Variants in CCDC171 observed in about 807,000 individuals in gnomAD.
CCDC171 encodes coiled-coil domain-containing protein 171.
Under a neutral mutation model 168.2 loss-of-function variants are expected in CCDC171, and 177 were observed. The ratio of observed to expected loss-of-function variants is 1.05; its 90% CI spans 0.93 to 1.19. The LOEUF is 1.19. Ranked by LOEUF, CCDC171 falls within the 50% of genes most tolerant of loss-of-function variation. CCDC171 has a pLI of 0.00. For missense variants in CCDC171, 1,991 were observed against 1,539.0 expected (o/e 1.29, Z -4.91); for synonymous variants, 687 against 540.8 (o/e 1.27, Z -3.75).
intron 21 of CCDC171, 85 bp from the exon 22 acceptor site, chr9:15,846,617 A>G (rs922853407): frequency 1.4e-6 from 2 of 1,403,676 alleles, no homozygotes; most frequent in East Asian, 2.3e-5. Context: ...GTCAGTCTGT[A>G]TTCTTCTTTG....
chr9:16,050,688 C>T (rs1176893638), intron 1 of CCDC171, among the ~76,000 whole-genome samples: 2 of 152,188 alleles, frequency 1.3e-5, no homozygotes, highest in Non-Finnish European at 2.9e-5. Context: ...ATGAGCATTG[C>T]ACATGTCCAT....
chr9:15,601,203 A>C (rs555980450), intron 6 of CCDC171, among the ~76,000 whole-genome samples: 1 of 152,290 alleles, frequency 6.6e-6, no homozygotes, highest in African/African-American at 2.4e-5. Context: ...GGAAATGCAG[A>C]AATCATTCGT....
chr9:15,966,005 C>CT (rs1401913234), intron 25 of CCDC171, among the ~76,000 whole-genome samples: 1 of 152,184 alleles, frequency 6.6e-6, no homozygotes, highest in Admixed American at 6.5e-5. Flanking sequence ...TGTTCATTCA[C>CT]TCATTCATCA....
Position 16,000,305 on chromosome 9 carries a change from A to G in CCDC171, n.369-20284A>G, listed in dbSNP as rs1036264696. 8.5e-5 allele frequency among the ~76,000 whole-genome samples: 13 copies of G among 152,180 alleles called. 1 individual carries two copies. The highest frequency in any genetic ancestry group is 3.1e-4 in the African/African-American group (13 of 41,440). On this transcript the variant is annotated intron_variant and non_coding_transcript_variant, in intron 3 of 9. Transcript: ENST00000486641. ...TATTATTCTCTATAGAATAAGTTTCAAAAACAAGGGATTGACTTTTTTTGC... is the reference window on the plus strand; with the variant it reads ...TATTATTCTCTATAGAATAAGTTTCGAAAACAAGGGATTGACTTTTTTTGC...
rs1022698906 is a variant in CCDC171 at position 15,744,409 on chromosome 9, C to A, written c.2186C>A (p.Ala729Glu). ...QTQREQMSLL[A>E]ACALMAGALY... Reference sequence around the variant, plus strand: ...CAAAGGGAACAGATGTCCTTGCTGGCAGCCTGTGCATTAATGGCTGGTGCC... The same window carrying A: ...CAAAGGGAACAGATGTCCTTGCTGGAAGCCTGTGCATTAATGGCTGGTGCC... Residue 729 changes from alanine (A) to glutamate (E), a missense_variant, in exon 17 of 26, where the codon GCA becomes GAA. Coordinates refer to ENST00000380701, the MANE Select transcript of CCDC171 (RefSeq NM_173550.4). 7 of 1,614,182 alleles carry A rather than the reference C, an allele frequency of 4.3e-6. No homozygotes were observed. Among genetic ancestry groups the A allele is most frequent in the Non-Finnish European group, 5.9e-6 (7 of 1,180,022 alleles).
chr9:15,898,544 A>C lies in CCDC171; in HGVS notation c.3601-21726A>C, dbSNP rs145447024. On this transcript the variant is annotated intron_variant, in intron 24 of 25. Coordinates refer to ENST00000380701, the MANE Select transcript of CCDC171 (RefSeq NM_173550.4). ...TGCAGAAGACTGGTTGGTCTAGTCC[A>C]TGCCTTTGCCCGCTAAATCAGTATC... Among the ~76,000 whole-genome samples, 1,212 of 152,320 alleles carry C rather than the reference A, an allele frequency of 8.0e-3. 15 individuals carry two copies. The highest frequency in any genetic ancestry group is 0.02 in the Middle Eastern group (6 of 294).
In CCDC171 at chr9:15,993,722, T is replaced by C. The variant is rs1832279460; in HGVS notation, n.369-26867T>C. Among the ~76,000 whole-genome samples the C allele has an allele frequency of 2.6e-5, 4 of 152,060 alleles. No individual in the cohort carries two copies. In the South Asian group the frequency reaches 6.2e-4, roughly 24 times the overall value. ...TGACAAAGGGCTAATATCCAGAATC[T>C]ACAAAGAACTCAAACAAATTTACAA... On this transcript the variant is annotated intron_variant and non_coding_transcript_variant, in intron 3 of 9. Coordinates refer to the CCDC171 transcript ENST00000486641.
rs2061010389 is a variant in CCDC171 at position 15,848,876 on chromosome 9, T to C, written c.3414-17T>C. ...AGGTTTGAGTTTTACTAACACTTAA[T>C]CTTTTATTTTTTCTAGAGACAAAGA... On this transcript the variant is annotated splice_polypyrimidine_tract_variant and intron_variant, in intron 22 of 25. Coordinates refer to ENST00000380701, the MANE Select transcript of CCDC171 (RefSeq NM_173550.4). 6.7e-7 allele frequency: 1 copy of C among 1,490,988 alleles called. No individual in the cohort carries two copies. The highest frequency in any genetic ancestry group is 1.2e-5 in the South Asian group (1 of 81,894). 92.4% of individuals were successfully genotyped at this position (1,490,988 alleles called of 1,614,324 possible). A position where few individuals can be genotyped will look rare whatever the true frequency, so the allele number is the denominator to read the frequency against.
intron 24 of CCDC171, among the ~76,000 whole-genome samples, chr9:15,904,747 AC>A (rs1822264551): frequency 6.6e-6 from 1 of 152,002 alleles, no homozygotes; most frequent in African/African-American, 2.4e-5. Flanking sequence ...AAGAGTCAAG[AC>A]CCATCAGTGT....
chr9:15,654,062 C>G lies in CCDC171; in HGVS notation c.823-3065C>G, dbSNP rs535077968. ...GTGAATATTTACTAGTTTCACCTTT[C>G]AGCGGAATGCCTGTTATTTTTAAAT... is the stretch of plus-strand genomic sequence containing the variant. On this transcript the variant is annotated intron_variant, in intron 7 of 25. Transcript: ENST00000380701. Among the ~76,000 whole-genome samples the G allele has an allele frequency of 7.9e-5, 12 of 152,228 alleles. No homozygotes were observed. The South Asian group carries it at 2.3e-3, about 29-fold the overall frequency.
chr9:15,562,672 G>T (rs114184009), intron 1 of CCDC171, among the ~76,000 whole-genome samples: 1 of 152,152 alleles, frequency 6.6e-6, no homozygotes, highest in African/African-American at 2.4e-5. Context: ...ATAGAGGTCT[G>T]TTTATGCCTG....
At chr9:15,884,037 T>C (rs73424825) in intron 24 of CCDC171, among the ~76,000 whole-genome samples, 2,613 of 152,264 alleles carry the variant, frequency 0.017, 87 homozygotes, top group African/African-American at 0.06. Flanking sequence ...TTTTATACAA[T>C]TGTTTTCTTT....
At chr9:15,797,339 C>T (rs1005238088) in intron 21 of CCDC171, among the ~76,000 whole-genome samples, 1 of 152,158 alleles carries the variant, frequency 6.6e-6, no homozygotes, top group African/African-American at 2.4e-5. Context: ...ATCTCAGCCT[C>T]TCAAGTAGCT....
At chr9:16,058,206 C>G (rs1833873549) in intron 1 of CCDC171, among the ~76,000 whole-genome samples, 1 of 152,132 alleles carries the variant, frequency 6.6e-6, no homozygotes, top group Admixed American at 6.5e-5. Flanking sequence ...ACCACTTCCT[C>G]TCCTCAAATC....
intron 18 of CCDC171, 81 bp from the exon 19 acceptor site, chr9:15,777,519 T>G: frequency 2.8e-6 from 2 of 723,606 alleles, no homozygotes; most frequent in South Asian, 2.2e-5. Flanking sequence ...TAAAAAATAT[T>G]TTCATTATGT....
chr9:15,685,367 C>A lies in CCDC171; in HGVS notation c.1215+6471C>A, dbSNP rs80066173. Among the ~76,000 whole-genome samples, 106 of 152,170 alleles carry A rather than the reference C, an allele frequency of 7.0e-4. 2 individuals carry two copies. In the East Asian group the frequency reaches 0.02, roughly 29 times the overall value. On this transcript the variant is annotated intron_variant, in intron 10 of 25. Transcript: ENST00000380701. The stretch of plus-strand genomic sequence containing the variant: ...ATAGACCAGATATGGTGGCTGACAC[C>A]TATAATCCCAGCACTTTGAGAATCT...
At position 15,652,480 on chromosome 9, in the gene CCDC171, C is replaced by A. The variant is rs1379127465; in HGVS notation, c.823-4647C>A. On this transcript the variant is annotated intron_variant, in intron 7 of 25. Transcript: ENST00000380701. The stretch of plus-strand genomic sequence containing the variant: ...TTTTTTTTTGAGACAGAGTCTGGCT[C>A]TGTCACCTGGCTGAATCTTTGCTTA... Among the ~76,000 whole-genome samples the A allele has an allele frequency of 2.0e-5, 3 of 150,476 alleles. No individual in the cohort carries two copies. The South Asian group carries it at 6.3e-4, about 31-fold the overall frequency.
intron 18 of CCDC171, among the ~76,000 whole-genome samples, chr9:15,771,622 T>A (rs1452292140): frequency 6.6e-6 from 1 of 152,220 alleles, no homozygotes; most frequent in Non-Finnish European, 1.5e-5. Context: ...TTGCTTGTGA[T>A]ATTTTTATAT....
the CCDC171 span, among the ~76,000 whole-genome samples, chr9:16,068,518 C>T: frequency 2.0e-5 from 3 of 152,198 alleles, no homozygotes; most frequent in African/African-American, 7.2e-5. Context: ...GCTAAAAGCA[C>T]AGACCCTTGA....
Sources: allele counts gnomAD v4.1 joint callset (sites outside exome capture counted in the v4.1 genomes callset), GRCh38; gene constraint gnomAD v4.1.1; transcripts MANE v1.5; gene names NCBI Gene and HGNC (gene_info 2026-07-23, HGNC 2026-07-21).